The following CYB5R4 variants were observed in gnomAD, a reference collection of about 807,000 sequenced individuals.
CYB5R4 encodes N-terminal cytochrome b5 and cytochrome b5 oxidoreductase domain-containing protein.
In CYB5R4, 55 loss-of-function variants were observed where a neutral mutation model predicts 70.2. The ratio of observed to expected loss-of-function variants is 0.78; its 90% CI spans 0.63 to 0.98. The LOEUF (loss-of-function observed/expected upper bound fraction) is 0.98, where lower values mean the gene tolerates loss of function less well. Among genes scored for constraint, CYB5R4 ranks in the 50% least tolerant of loss-of-function variants. The pLI is 0.00. For missense variants in CYB5R4, 562 were observed against 612.6 expected (o/e 0.92, Z 0.87); for synonymous variants, 197 against 199.5 (o/e 0.99, Z 0.11).
chr6:83,896,349 A>G (rs2099461885), intron 3 of CYB5R4, among the ~76,000 whole-genome samples: 1 of 152,224 alleles, frequency 6.6e-6, no homozygotes, highest in African/African-American at 2.4e-5. Context: ...ACAGGGAAGT[A>G]CATTTACACT....
intron 3 of CYB5R4, among the ~76,000 whole-genome samples, chr6:83,898,185 T>C (rs2099462236): frequency 6.6e-6 from 1 of 152,248 alleles, no homozygotes. Context: ...TACATATGGC[T>C]AGCCAGTTTT....
At chr6:83,950,246 C>G (rs772432681) in intron 14 of CYB5R4, among the ~76,000 whole-genome samples, 6 of 152,124 alleles carry the variant, frequency 3.9e-5, no homozygotes, top group African/African-American at 2.4e-5. Context: ...CTTGACTGTT[C>G]TAGCAATTGG....
At chr6:83,950,617 A>G (rs1048272355) in intron 14 of CYB5R4, among the ~76,000 whole-genome samples, 1 of 152,196 alleles carries the variant, frequency 6.6e-6, no homozygotes, top group African/African-American at 2.4e-5. Flanking sequence ...TTTGTTTCAA[A>G]TGAGTCGTTC....
intron 7 of CYB5R4, 53 bp downstream of exon 7, chr6:83,919,507 G>C (rs567445686): frequency 1.0e-6 from 1 of 955,924 alleles, no homozygotes; most frequent in East Asian, 2.9e-5. Context: ...GTTAATTTAT[G>C]TACCAGGTCT....
chr6:83,958,370 AG>A (rs1453118694), intron 15 of CYB5R4, among the ~76,000 whole-genome samples: 2 of 152,154 alleles, frequency 1.3e-5, no homozygotes, highest in East Asian at 3.9e-4. Context: ...AAGATGTTAC[AG>A]GAATTCCGGG....
chr6:83,958,872 A>G (rs933331900), intron 15 of CYB5R4, among the ~76,000 whole-genome samples: 20 of 152,224 alleles, frequency 1.3e-4, no homozygotes, highest in African/African-American at 4.8e-4. Context: ...TGAAGTGCAT[A>G]GCAAAGTGAC....
chr6:83,948,223 C>T (rs2099470946), intron 14 of CYB5R4, among the ~76,000 whole-genome samples: 1 of 152,146 alleles, frequency 6.6e-6, no homozygotes, highest in African/African-American at 2.4e-5. Flanking sequence ...TTTGCAGGGA[C>T]ACGGATGAAG....
chr6:83,875,938 T>A (rs2099458474), intron 2 of CYB5R4, among the ~76,000 whole-genome samples: 1 of 152,176 alleles, frequency 6.6e-6, no homozygotes, highest in Non-Finnish European at 1.5e-5. Flanking sequence ...TTCTCGGAAT[T>A]TAGCCTGGCA....
chr6:83,908,752 A>G (rs2099464214), intron 3 of CYB5R4, among the ~76,000 whole-genome samples: 1 of 152,174 alleles, frequency 6.6e-6, no homozygotes, highest in African/African-American at 2.4e-5. Context: ...ATTATCATGA[A>G]ACAAATTGAG....
At chr6:83,879,185 CT>C (rs1405997675) in intron 2 of CYB5R4, among the ~76,000 whole-genome samples, 2 of 151,932 alleles carry the variant, frequency 1.3e-5, no homozygotes, top group East Asian at 3.9e-4. Flanking sequence ...AATGCAGCAT[CT>C]AGAATGCAGG....
At chr6:83,908,126 A>G (rs1209817991) in intron 3 of CYB5R4, among the ~76,000 whole-genome samples, 1 of 152,056 alleles carries the variant, frequency 6.6e-6, no homozygotes, top group African/African-American at 2.4e-5. Context: ...TTTCTCCGCA[A>G]CCTCGCCAAC....
At chr6:83,877,395 G>C (rs888077663) in intron 2 of CYB5R4, among the ~76,000 whole-genome samples, 1 of 152,066 alleles carries the variant, frequency 6.6e-6, no homozygotes, top group South Asian at 2.1e-4. Flanking sequence ...CTGAGGCTGG[G>C]TAATTTATAA....
chr6:83,952,073 A>G (rs2099471621), intron 14 of CYB5R4, among the ~76,000 whole-genome samples: 1 of 152,096 alleles, frequency 6.6e-6, no homozygotes, highest in Non-Finnish European at 1.5e-5. Flanking sequence ...TAGTGTCATT[A>G]TTTTTACACT....
intron 5 of CYB5R4, among the ~76,000 whole-genome samples, 161 bp downstream of exon 5, chr6:83,914,609 C>G (rs6919419): frequency 6.6e-6 from 1 of 152,040 alleles, no homozygotes; most frequent in East Asian, 1.9e-4. Context: ...ACCATCTCAG[C>G]TCACTGTAAC....
intron 9 of CYB5R4, among the ~76,000 whole-genome samples, chr6:83,924,140 AC>A (rs1193884363): frequency 7.0e-6 from 1 of 143,868 alleles, no homozygotes; most frequent in Non-Finnish European, 1.5e-5. Flanking sequence ...GTACATCTCA[AC>A]CTTTTTTTTT....
At chr6:83,910,107 C>T (rs535689685) in intron 4 of CYB5R4, 203 of 1,605,962 alleles carry the variant, frequency 1.3e-4, no homozygotes, top group Non-Finnish European at 1.6e-4. Context: ...TGGAGATAGA[C>T]ACCAGGACCT....
chr6:83,940,203 T>C lies in CYB5R4; in HGVS notation c.1256T>C (p.Leu419Pro). 1 of 1,601,046 alleles carries C rather than the reference T, an allele frequency of 6.2e-7. No individual in the cohort carries two copies. The highest frequency in any genetic ancestry group is 2.2e-5 in the East Asian group (1 of 44,648). ...TATGCTTTGACTGATATACCCAGTC[T>C]CAGGTATGTAATTTTGTCTCTAATT... ...LNYALTDIPS[L>P]RKVKLMFFNK... Residue 419 changes from leucine to proline, a missense_variant, in exon 13 of 16, where the codon CTC (leucine) becomes CCC (proline). Coordinates refer to ENST00000369681, the MANE Select transcript of CYB5R4 (RefSeq NM_016230.4).
chr6:83,916,668 A>G (rs1026670917), intron 5 of CYB5R4, among the ~76,000 whole-genome samples: 5 of 152,178 alleles, frequency 3.3e-5, no homozygotes, highest in Non-Finnish European at 7.4e-5. Flanking sequence ...TTATGTGGGA[A>G]GAAATGGAAG....
At chr6:83,904,613 T>C (rs1196971789) in intron 3 of CYB5R4, among the ~76,000 whole-genome samples, 3 of 152,240 alleles carry the variant, frequency 2.0e-5, no homozygotes, top group Admixed American at 6.5e-5. Flanking sequence ...CGTCTAATGC[T>C]GAGAATGGGA....
Sources: gnomAD v4.1 joint callset for allele counts (sites outside exome capture counted in the v4.1 genomes callset) on GRCh38, gnomAD v4.1.1 for gene constraint, MANE v1.5 for transcripts, NCBI Gene and HGNC (gene_info 2026-07-23, HGNC 2026-07-21) for gene names.